Variants in BCAT1 observed in about 807,000 individuals in gnomAD.
BCAT1 encodes branched-chain-amino-acid aminotransferase, cytosolic.
BCAT1 carries 48 observed loss-of-function variants against 52.4 expected under a neutral mutation model. The ratio of observed to expected loss-of-function variants is 0.92; its 90% CI spans 0.73 to 1.16. The LOEUF (loss-of-function observed/expected upper bound fraction) is 1.16, where lower values mean the gene tolerates loss of function less well. Ranked by LOEUF, BCAT1 falls within the 50% of genes most tolerant of loss-of-function variation. The pLI is 0.00. For missense variants in BCAT1, 451 were observed against 457.1 expected, an observed-to-expected ratio of 0.99 and a Z score of 0.12; for synonymous variants, 167 against 161.3, an observed-to-expected ratio of 1.04 and a Z score of -0.27.
intron 1 of BCAT1, chr12:24,945,758 A>C (rs1943925710): frequency 6.6e-6 from 1 of 152,202 alleles, no homozygotes; most frequent in African/African-American, 2.4e-5. Flanking sequence ...TAGGAGGCAG[A>C]GGTTGCAGTG....
intron 5 of BCAT1, among the ~76,000 whole-genome samples, chr12:24,868,107 G>A (rs1942077553): frequency 6.6e-6 from 1 of 152,208 alleles, no homozygotes; most frequent in Non-Finnish European, 1.5e-5. Flanking sequence ...GCAACTCATG[G>A]CAGGAGAAAT....
chr12:24,828,431 G>C (rs1262765352), intron 10 of BCAT1, among the ~76,000 whole-genome samples: 1 of 152,000 alleles, frequency 6.6e-6, no homozygotes, highest in Non-Finnish European at 1.5e-5. Flanking sequence ...TGAAAAAATA[G>C]ACGTGTATAC....
intron 10 of BCAT1, among the ~76,000 whole-genome samples, chr12:24,825,223 C>G (rs954651410): frequency 6.6e-6 from 1 of 151,888 alleles, no homozygotes; most frequent in African/African-American, 2.4e-5. Flanking sequence ...CATATCTTGG[C>G]TATTGTGAAT....
At chr12:24,870,376 G>A (rs1189007928) in intron 5 of BCAT1, among the ~76,000 whole-genome samples, 3 of 152,146 alleles carry the variant, frequency 2.0e-5, no homozygotes, top group South Asian at 2.1e-4. Flanking sequence ...TGATAGCTCA[G>A]AAAAGAAAAA....
chr12:24,887,404 G>A (rs185188175), intron 3 of BCAT1, among the ~76,000 whole-genome samples: 15 of 152,096 alleles, frequency 9.9e-5, no homozygotes, highest in South Asian at 4.1e-4. Flanking sequence ...GTATTCACAC[G>A]TGTGCAAGCA....
chr12:24,947,167 CCACA>C (rs57265449), intron 1 of BCAT1, among the ~76,000 whole-genome samples: 19,129 of 141,066 alleles, frequency 0.14, 1,354 homozygotes, highest in South Asian at 0.28. Flanking sequence ...CGTCTTCCCT[CCACA>C]CACACACACA....
In BCAT1 at chr12:24,892,084, G is replaced by GTT. The variant is rs61028302; in HGVS notation, c.279+2189_279+2190dup. On this transcript the variant is annotated intron_variant, in intron 3 of 10. Transcript: ENST00000261192. ...TTTTTGTTTTGTTTTGTTTTGTTTT[G>GTT]TTTTGTTTTGTTTCAATAGAGTCAG... Among the ~76,000 whole-genome samples, 1,426 of 150,578 alleles carry GTT rather than the reference G, an allele frequency of 9.5e-3. 14 individuals carry two copies. The highest frequency in any genetic ancestry group is 0.033 in the African/African-American group (1,375 of 41,114).
intron 1 of BCAT1, chr12:24,902,351 C>A (rs969714837): frequency 8.4e-7 from 1 of 1,193,702 alleles, no homozygotes; most frequent in Non-Finnish European, 1.0e-6. Context: ...GAACCATTTC[C>A]TCCACCAGCA....
chr12:24,855,321 A>G (rs1157167356), intron 5 of BCAT1, among the ~76,000 whole-genome samples: 2 of 149,370 alleles, frequency 1.3e-5, no homozygotes, highest in Non-Finnish European at 3.0e-5. Flanking sequence ...AAAAAAAAAA[A>G]GAAAGAAAAA....
intron 5 of BCAT1, among the ~76,000 whole-genome samples, chr12:24,869,981 G>GGTGT (rs753844015): frequency 1.3e-5 from 2 of 148,930 alleles, no homozygotes; most frequent in Admixed American, 6.7e-5. Context: ...CACATGTAAG[G>GGTGT]GTGTGTGTGT....
intron 1 of BCAT1, among the ~76,000 whole-genome samples, chr12:24,934,077 C>T (rs1943719254): frequency 6.6e-6 from 1 of 152,176 alleles, no homozygotes; most frequent in Non-Finnish European, 1.5e-5. Flanking sequence ...GGCATTCACC[C>T]GTGCAAGCTC....
rs73061872 is a variant in BCAT1 at position 24,899,664 on chromosome 12, G to T, written c.78+2150C>A. Among the ~76,000 whole-genome samples the T allele has an allele frequency of 8.2e-3, 1,249 of 151,984 alleles. 10 individuals carry two copies. Among genetic ancestry groups the T allele is most frequent in the Non-Finnish European group, 0.013 (881 of 67,990 alleles). ...CATCAATGAACAAATAAAATGTGGT[G>T]CATATACACAATGGAATACTACTCA... On this transcript the variant is annotated intron_variant, in intron 2 of 10. Transcript: ENST00000261192.
intron 1 of BCAT1, among the ~76,000 whole-genome samples, chr12:24,924,300 AATTAGATC>A (rs1943547929): frequency 6.6e-6 from 1 of 152,242 alleles, no homozygotes; most frequent in Admixed American, 6.5e-5. Context: ...AGAATGATAT[AATTAGATC>A]AGTTAATGCT....
chr12:24,821,139 C>T (rs544819860), intron 10 of BCAT1, among the ~76,000 whole-genome samples: 35 of 152,254 alleles, frequency 2.3e-4, no homozygotes, highest in African/African-American at 7.7e-4. Flanking sequence ...GGGGTGGAGC[C>T]TTTAACTTCT....
At chr12:24,864,668 A>G (rs1478703366) in intron 5 of BCAT1, among the ~76,000 whole-genome samples, 4 of 151,226 alleles carry the variant, frequency 2.6e-5, no homozygotes, top group East Asian at 1.9e-4. Context: ...TAAGACACAC[A>G]CTCCCTTTAG....
intron 8 of BCAT1, among the ~76,000 whole-genome samples, chr12:24,835,615 G>T (rs1940887632): frequency 6.7e-6 from 1 of 150,068 alleles, no homozygotes; most frequent in African/African-American, 2.5e-5. Flanking sequence ...TAGAGACATG[G>T]TCTCACCCTG....
At chr12:24,834,801 C>T in intron 8 of BCAT1, 4 of 1,150,604 alleles carry the variant, frequency 3.5e-6, no homozygotes, top group Non-Finnish European at 3.3e-6. Flanking sequence ...AAGCTGAGTT[C>T]TGTGTCCTGA....
chr12:24,856,451 G>A (rs188498912), intron 5 of BCAT1, among the ~76,000 whole-genome samples: 7 of 152,200 alleles, frequency 4.6e-5, no homozygotes, highest in Admixed American at 1.3e-4. Flanking sequence ...TTTGGACATC[G>A]GGCCTTTAAA....
intron 1 of BCAT1, among the ~76,000 whole-genome samples, chr12:24,905,574 TCA>T (rs1943211809): frequency 6.6e-6 from 1 of 152,132 alleles, no homozygotes; most frequent in African/African-American, 2.4e-5. Context: ...TCTAAATAAT[TCA>T]GTTTTCCATT....
Sources: gnomAD v4.1 joint callset for allele counts (sites outside exome capture counted in the v4.1 genomes callset) on GRCh38, gnomAD v4.1.1 for gene constraint, MANE v1.5 for transcripts, NCBI Gene and HGNC (gene_info 2026-07-23, HGNC 2026-07-21) for gene names.